Variants in LHFPL3 observed in about 807,000 individuals in gnomAD.
The protein encoded by LHFPL3 is LHFPL tetraspan subfamily member 3, also known as LHFPL tetraspan subfamily member 3 protein.
In LHFPL3, 5 loss-of-function variants were observed where a neutral mutation model predicts 19.3. The observed-to-expected ratio is 0.26, with a 90% CI of 0.14 to 0.54. The LOEUF (loss-of-function observed/expected upper bound fraction) is 0.54. Ranked by LOEUF, LHFPL3 falls within the 20% of genes least tolerant of loss-of-function variation. The probability of loss-of-function intolerance (pLI) is 0.94; values close to 1 mark genes in which losing one functional copy is unlikely to be tolerated. For missense variants in LHFPL3, 249 were observed against 307.4 expected (o/e 0.81, Z 1.42); for synonymous variants, 133 against 126.2 (o/e 1.05, Z -0.36).
At chr7:104,862,727 C>G (rs562193235) in intron 2 of LHFPL3, among the ~76,000 whole-genome samples, 12 of 152,328 alleles carry the variant, frequency 7.9e-5, no homozygotes, top group African/African-American at 2.6e-4. Context: ...CTGCTGAACC[C>G]TGGGGCCAGC....
intron 1 of LHFPL3, among the ~76,000 whole-genome samples, chr7:104,359,461 A>G (rs1790349182): frequency 1.3e-5 from 2 of 152,220 alleles, no homozygotes; most frequent in Admixed American, 6.5e-5. Context: ...TGAAGTGTCA[A>G]TGTTCCCATC....
chr7:104,811,552 A>G (rs1378412815), intron 2 of LHFPL3, among the ~76,000 whole-genome samples: 3 of 152,156 alleles, frequency 2.0e-5, no homozygotes, highest in Non-Finnish European at 4.4e-5. Context: ...ATGGATGAGC[A>G]TACATATATC....
chr7:104,364,218 C>T (rs542053016), intron 1 of LHFPL3, among the ~76,000 whole-genome samples: 7 of 152,292 alleles, frequency 4.6e-5, no homozygotes, highest in Admixed American at 3.3e-4. Flanking sequence ...GTAATAAGAG[C>T]CATTGGCTAT....
chr7:104,579,422 C>G (rs1281970192), intron 1 of LHFPL3, among the ~76,000 whole-genome samples: 4 of 152,138 alleles, frequency 2.6e-5, no homozygotes, highest in Non-Finnish European at 5.9e-5. Context: ...ATTGGGTTTT[C>G]TGTTTCTGCA....
chr7:104,371,006 C>T (rs1790602925), intron 1 of LHFPL3, among the ~76,000 whole-genome samples: 1 of 152,206 alleles, frequency 6.6e-6, no homozygotes, highest in Admixed American at 6.5e-5. Context: ...TTTTCTTAAA[C>T]TGCAACACTA....
At chr7:104,860,038 G>A (rs1247569575) in intron 2 of LHFPL3, among the ~76,000 whole-genome samples, 1 of 152,102 alleles carries the variant, frequency 6.6e-6, no homozygotes, top group Non-Finnish European at 1.5e-5. Flanking sequence ...AAACTATGAT[G>A]TGATAAACAC....
At chr7:104,674,715 G>GA (rs1792559075) in intron 1 of LHFPL3, among the ~76,000 whole-genome samples, 2 of 152,206 alleles carry the variant, frequency 1.3e-5, no homozygotes, top group Middle Eastern at 3.4e-3. Context: ...AACTATGGGA[G>GA]AAAAAAGATT....
At chr7:104,503,485 A>C (rs1204310887) in intron 1 of LHFPL3, among the ~76,000 whole-genome samples, 1 of 152,208 alleles carries the variant, frequency 6.6e-6, no homozygotes, top group African/African-American at 2.4e-5. Context: ...TATTTGCTCA[A>C]GGCAATTATT....
chr7:104,609,333 T>A (rs1308902340), intron 1 of LHFPL3, among the ~76,000 whole-genome samples: 1 of 152,184 alleles, frequency 6.6e-6, no homozygotes, highest in Non-Finnish European at 1.5e-5. Flanking sequence ...TTTAAACTCC[T>A]GTATTTTTAT....
intron 2 of LHFPL3, among the ~76,000 whole-genome samples, chr7:104,833,294 T>A (rs1344340585): frequency 2.5e-5 from 1 of 40,780 alleles, no homozygotes; most frequent in African/African-American, 1.0e-4. Flanking sequence ...TATATATATA[T>A]TATATATATA....
chr7:104,398,165 C>T (rs6952170), intron 1 of LHFPL3, among the ~76,000 whole-genome samples: 58,628 of 151,568 alleles, frequency 0.39, 11,763 homozygotes, highest in Admixed American at 0.5. Flanking sequence ...GAAGTGCTGG[C>T]GTCTAGCATG....
chr7:104,485,845 A>G (rs531409465), intron 1 of LHFPL3, among the ~76,000 whole-genome samples: 8 of 152,172 alleles, frequency 5.3e-5, no homozygotes, highest in African/African-American at 1.7e-4. Flanking sequence ...TTGTTGTTCA[A>G]TTCCCAACTG....
intron 1 of LHFPL3, among the ~76,000 whole-genome samples, chr7:104,411,240 T>C (rs1426976179): frequency 6.6e-6 from 1 of 152,210 alleles, no homozygotes; most frequent in African/African-American, 2.4e-5. Context: ...TAGTTTTTTA[T>C]TGATAATAAT....
intron 1 of LHFPL3, among the ~76,000 whole-genome samples, chr7:104,622,570 C>A (rs565942325): frequency 2.0e-5 from 3 of 152,260 alleles, no homozygotes; most frequent in African/African-American, 4.8e-5. Flanking sequence ...TCCATCCCCC[C>A]CAAAAATCCT....
intron 1 of LHFPL3, among the ~76,000 whole-genome samples, chr7:104,496,146 T>A (rs551199760): frequency 4.6e-5 from 7 of 152,166 alleles, no homozygotes; most frequent in South Asian, 4.2e-4. Context: ...TAGTCCCCAG[T>A]GTGTGATGTT....
chr7:104,513,849 T>C (rs540475847), intron 1 of LHFPL3, among the ~76,000 whole-genome samples: 14 of 152,282 alleles, frequency 9.2e-5, no homozygotes, highest in African/African-American at 3.4e-4. Flanking sequence ...ACAGCCAAGG[T>C]TGAGAACCAC....
intron 1 of LHFPL3, among the ~76,000 whole-genome samples, chr7:104,354,023 G>A (rs531492026): frequency 1.7e-3 from 251 of 151,970 alleles, no homozygotes; most frequent in African/African-American, 5.3e-3. Context: ...ATTATAATAA[G>A]TCTGATATGT....
In LHFPL3 at chr7:104,328,851, G is replaced by A. The variant is rs113786684; in HGVS notation, c.72G>A (p.Leu24=). 1.5e-3 allele frequency: 2,455 copies of A among 1,614,178 alleles called. 33 individuals carry two copies. In the African/African-American group the frequency reaches 0.03, roughly 20 times the overall value. Residue 24 remains leucine (L), a synonymous_variant, in exon 1 of 3, where the codon CTG becomes CTA. Coordinates refer to ENST00000424859, the MANE Select transcript of LHFPL3 (RefSeq NM_199000.3). This position sits in a 1 kb window ranked among gnomAD's most constrained non-coding sequence, Gnocchi z 4.6. ...AMLPAQEAAK[L]YHTNYVRNSR... The stretch of plus-strand genomic sequence containing the variant: ...TCCCGGCTCAGGAGGCTGCCAAGCT[G>A]TACCACACCAACTATGTGCGGAACT...
Position 104,682,651 on chromosome 7 carries a change from A to C in LHFPL3, c.446-54024A>C, listed in dbSNP as rs13242198. On this transcript the variant is annotated intron_variant, in intron 1 of 2. Coordinates refer to ENST00000424859, the MANE Select transcript of LHFPL3 (RefSeq NM_199000.3). ...CCTGGAATGGGACTGTGCCAGCTGG[A>C]AAAACAAGTTTTTTGGATAAATGGG... Among the ~76,000 whole-genome samples the C allele has an allele frequency of 1.5e-3, 226 of 152,258 alleles. 1 individual carries two copies. The highest frequency in any genetic ancestry group is 2.8e-3 in the Non-Finnish European group (191 of 68,022).
Sources: allele counts gnomAD v4.1 joint callset (sites outside exome capture counted in the v4.1 genomes callset), GRCh38; gene constraint gnomAD v4.1.1; non-coding constraint Gnocchi (gnomAD v3.1); transcripts MANE v1.5; gene names NCBI Gene and HGNC (gene_info 2026-07-23, HGNC 2026-07-21).